Variants in ACRBP observed in about 807,000 individuals in gnomAD.
ACRBP encodes acrosin-binding protein.
A neutral mutation model predicts 69.0 loss-of-function variants in ACRBP; 52 were observed. The observed-to-expected ratio is 0.75, with a 90% CI of 0.60 to 0.95. ACRBP has a LOEUF of 0.95. ACRBP is among the 40% of genes least tolerant of loss of function. The pLI is 0.00. For synonymous variants in ACRBP, 267 were observed against 258.9 expected, an observed-to-expected ratio of 1.03 and a Z score of -0.30; for missense variants, 604 against 673.0, an observed-to-expected ratio of 0.90 and a Z score of 1.13.
intron 1 of ACRBP, 138 bp downstream of exon 1, chr12:6,647,185 TG>T: frequency 1.7e-6 from 2 of 1,148,632 alleles, no homozygotes; most frequent in Non-Finnish European, 1.3e-6. Context: ...CGGGGGGAGA[TG>T]GGAGTATCCC....
Position 6,647,309 on chromosome 12 carries a change from G to T in ACRBP, c.43+15C>A, listed in dbSNP as rs1484542475. 1 of 1,552,306 alleles carries T rather than the reference G, an allele frequency of 6.4e-7. No individual in the cohort carries two copies. The highest frequency in any genetic ancestry group is 2.4e-5 in the East Asian group (1 of 41,534). On this transcript the variant is annotated intron_variant, in intron 1 of 9. Coordinates refer to ENST00000229243, the MANE Select transcript of ACRBP (RefSeq NM_032489.3). ...GCCCGGGGAGAGTCTGTTGGAGCAG[G>T]TGTAAACCTCTCACCCTTCAGGAGT...
In ACRBP at chr12:6,646,879, G is replaced by A. The variant is rs752892968; in HGVS notation, c.177C>T (p.Thr59=). The A allele has an allele frequency of 6.2e-7, 1 of 1,614,202 alleles. No homozygotes were observed. Reference sequence around the variant, plus strand: ...AGCCGTGGGTTGCACGGAGACGGCAGGTAGTCTCTGCCTTCCAGGTTGGAG... The same window carrying A: ...AGCCGTGGGTTGCACGGAGACGGCAAGTAGTCTCTGCCTTCCAGGTTGGAG... ...LLTPTWKAET[T]CRLRATHGCR... The change falls in exon 2 of 10, where the codon ACC becomes ACT. Residue 59 remains threonine (T), a synonymous_variant. Transcript: ENST00000229243.
intron 5 of ACRBP, among the ~76,000 whole-genome samples, chr12:6,643,875 G>T (rs1165206243): frequency 6.6e-6 from 1 of 152,246 alleles, no homozygotes; most frequent in Non-Finnish European, 1.5e-5. Context: ...ACTTTCTCAG[G>T]ATTGCAATGC....
chr12:6,640,580 T>C lies in ACRBP; in HGVS notation c.1078-58A>G. Reference sequence around the variant, plus strand: ...AGAGTCAGCGGCCTGCCTTCTCCCATGCCTCAGCCCTCCAGGGTGGGCCCT... The same window carrying C: ...AGAGTCAGCGGCCTGCCTTCTCCCACGCCTCAGCCCTCCAGGGTGGGCCCT... On this transcript the variant is annotated intron_variant, in intron 6 of 9. Transcript: ENST00000229243. The surrounding 1 kb of genome is among the most constrained non-coding windows in gnomAD (Gnocchi z 5.3). 2 of 1,566,750 alleles carry C rather than the reference T, an allele frequency of 1.3e-6. No homozygotes were observed. Among genetic ancestry groups the C allele is most frequent in the Non-Finnish European group, 1.7e-6 (2 of 1,150,524 alleles).
rs1949043686 is a variant in ACRBP, at chr12:6,640,319, A to G, written c.1257+24T>C. On this transcript the variant is annotated intron_variant, in intron 7 of 9. Coordinates refer to ENST00000229243, the MANE Select transcript of ACRBP (RefSeq NM_032489.3). The surrounding 1 kb of genome is among the most constrained non-coding windows in gnomAD (Gnocchi z 5.3). Reference sequence around the variant, plus strand: ...CCTGCCACCCAGTTCTGCCTTTCCCACTGCGGGCTGCCGGGCTAGATACCT... The same window carrying G: ...CCTGCCACCCAGTTCTGCCTTTCCCGCTGCGGGCTGCCGGGCTAGATACCT... The G allele has an allele frequency of 5.0e-6, 8 of 1,605,686 alleles. No individual in the cohort carries two copies. The highest frequency in any genetic ancestry group is 6.8e-6 in the Non-Finnish European group (8 of 1,176,076).
Position 6,644,521 on chromosome 12 carries a change from C to A in ACRBP, c.560G>T (p.Gly187Val). ...GTGCTCTGGCGCTTGCTCCTGGCCT[C>A]CCAGGGACAAGGAGGATTGTAGGAG... Reference protein sequence around the residue: ...EELLQSSLSLGGQEQAPEHKQ... With the variant: ...EELLQSSLSLVGQEQAPEHKQ... The change falls in exon 5 of 10, where the codon GGA becomes GTA. Residue 187 changes from glycine to valine, a missense_variant. By Grantham distance (109) the Gly-to-Val change is moderately radical. Coordinates refer to ENST00000229243, the MANE Select transcript of ACRBP (RefSeq NM_032489.3). 1 of 1,614,040 alleles carries A rather than the reference C, an allele frequency of 6.2e-7. No homozygotes were observed. The highest frequency in any genetic ancestry group is 8.5e-7 in the Non-Finnish European group (1 of 1,180,028).
In ACRBP at chr12:6,645,434, C is replaced by G. The variant is rs545402806; in HGVS notation, c.358-97G>C. 4.5e-5 allele frequency: 43 copies of G among 948,920 alleles called. 1 individual carries two copies. The highest frequency in any genetic ancestry group is 4.1e-4 in the South Asian group (30 of 73,906). 58.8% of individuals were successfully genotyped at this position (948,920 alleles called of 1,614,324 possible). On this transcript the variant is annotated intron_variant, in intron 3 of 9. Transcript: ENST00000229243. Reference sequence around the variant, plus strand: ...CCCTTTTCCAGCATGTCTTATCTCTCAGTTTCTAGGCAGGGATAAAGGGAC... The same window carrying G: ...CCCTTTTCCAGCATGTCTTATCTCTGAGTTTCTAGGCAGGGATAAAGGGAC...
Position 6,644,277 on chromosome 12 carries a change from A to G in ACRBP, c.804T>C (p.Phe268=). ...SESLSSNPSS[F]APRVREVEST... is the part of the protein sequence containing the mutation. ...ACTCTACTTCTCGTACCCGGGGAGC[A>G]AAAGAGGAAGGGTTAGAAGATAGAG... The change falls in exon 5 of 10, where the codon TTT becomes TTC. Residue 268 remains phenylalanine, a synonymous_variant. Transcript: ENST00000229243. 1 of 1,614,158 alleles carries G rather than the reference A, an allele frequency of 6.2e-7. No individual in the cohort carries two copies. Among genetic ancestry groups the G allele is most frequent in the Non-Finnish European group, 8.5e-7 (1 of 1,180,032 alleles).
chr12:6,640,881 G>A lies in ACRBP; in HGVS notation c.1078-359C>T, dbSNP rs1949047490. Among the ~76,000 whole-genome samples the A allele has an allele frequency of 6.6e-6, 1 of 152,154 alleles. No individual in the cohort carries two copies. Among genetic ancestry groups the A allele is most frequent in the Non-Finnish European group, 1.5e-5 (1 of 68,034 alleles). ...ACAGATACCCCAACTTAGCCTATCT[G>A]AAAAGAACTCATAACCCTCCCCTGC... On this transcript the variant is annotated intron_variant, in intron 6 of 9. Coordinates refer to ENST00000229243, the MANE Select transcript of ACRBP (RefSeq NM_032489.3). The surrounding 1 kb of genome is among the most constrained non-coding windows in gnomAD (Gnocchi z 5.3).
chr12:6,646,808 C>T lies in ACRBP; in HGVS notation c.248G>A (p.Gly83Asp). The change falls in exon 2 of 10, where the codon GGC (glycine) becomes GAC (aspartate). Residue 83 changes from glycine (G) to aspartate (D), a missense_variant. Gly to Asp is a moderately conservative substitution (Grantham distance 94). This residue lies in a region of ACRBP where 532 missense variants were observed against 562.9 expected (regional missense o/e 0.95). Transcript: ENST00000229243. The part of the protein sequence containing the change: ...LVQLDQYENH[G>D]LVPDGAVCSN... Reference sequence around the variant, plus strand: ...CTGGCCCTCACCATCGGGCACTAAGCCGTGGTTTTCATATTGGTCCAGCTG... The same window carrying T: ...CTGGCCCTCACCATCGGGCACTAAGTCGTGGTTTTCATATTGGTCCAGCTG... The T allele has an allele frequency of 6.2e-7, 1 of 1,614,022 alleles. No homozygotes were observed. Among genetic ancestry groups the T allele is most frequent in the Non-Finnish European group, 8.5e-7 (1 of 1,180,036 alleles).
rs1025154947 is a variant in ACRBP, at chr12:6,647,002, C to G, written c.54G>C (p.Leu18=). The G allele has an allele frequency of 6.2e-7, 1 of 1,609,702 alleles. No individual in the cohort carries two copies. The highest frequency in any genetic ancestry group is 1.3e-5 in the African/African-American group (1 of 75,016). Residue 18 remains leucine, a synonymous_variant, in exon 2 of 10, where the codon CTG becomes CTC. Transcript: ENST00000229243. ...FLPSLLKVLL[L]PLAPAAAQDS... The stretch of plus-strand genomic sequence containing the variant: ...CCTGGGCTGCGGCAGGTGCCAGAGG[C>G]AGGAGCAGCACTGCGGAGCGGGCGA...
At chr12:6,639,189 C>T in intron 8 of ACRBP, 152 bp from the exon 9 acceptor site, 4 of 677,572 alleles carry the variant, frequency 5.9e-6, no homozygotes, top group Non-Finnish European at 1.0e-5. Context: ...TCCGCTTTCC[C>T]TCTGCCTTTC....
intron 6 of ACRBP, among the ~76,000 whole-genome samples, chr12:6,641,512 T>TC (rs1297249699): frequency 6.6e-6 from 1 of 152,198 alleles, no homozygotes; most frequent in African/African-American, 2.4e-5. Flanking sequence ...TGACTCTGTC[T>TC]CCTGCTGCTC....
rs1362569640 is a variant in ACRBP at position 6,647,410 on chromosome 12, C to G, written c.-44G>C. Reference sequence around the variant, plus strand: ...CGCGTCCCGTGGACACAAGCCGCCTCTAACGGGCCAAGCCGCAGAGAGAGC... The same window carrying G: ...CGCGTCCCGTGGACACAAGCCGCCTGTAACGGGCCAAGCCGCAGAGAGAGC... On this transcript the variant is annotated 5_prime_UTR_variant, in exon 1 of 10. Transcript: ENST00000229243. The G allele has an allele frequency of 1.2e-5, 18 of 1,494,034 alleles. No homozygotes were observed. The highest frequency in any genetic ancestry group is 1.4e-5 in the Non-Finnish European group (16 of 1,118,798). The allele number at this position is 1,494,034 out of a possible 1,614,324, so 92.5% of individuals were successfully genotyped here. A position where few individuals can be genotyped will look rare whatever the true frequency, so the allele number is the denominator to read the frequency against.
At position 6,644,570 on chromosome 12, in the gene ACRBP, T is replaced by A; in HGVS notation, c.511A>T (p.Arg171Trp). The A allele has an allele frequency of 6.2e-7, 1 of 1,613,922 alleles. No individual in the cohort carries two copies. ...AGCTCTTCCACGTTGTTGCTGAGCC[T>A]CTCAGGCCAGGGCTGGAAGGTCTGG... ...ERQTFQPWPERLSNNVEELLQ... is the reference protein window; with the variant it reads ...ERQTFQPWPEWLSNNVEELLQ... Residue 171 changes from arginine (R) to tryptophan (W), a missense_variant, in exon 5 of 10, where the codon AGG (arginine) becomes TGG (tryptophan). By Grantham distance (101) the Arg-to-Trp change is moderately radical. This residue lies in a region of ACRBP where 532 missense variants were observed against 562.9 expected (regional missense o/e 0.95). Transcript: ENST00000229243.
At position 6,643,533 on chromosome 12, in the gene ACRBP, G is replaced by A; in HGVS notation, c.1077+6C>T. On this transcript the variant is annotated splice_donor_region_variant and intron_variant, in intron 6 of 9. Coordinates refer to ENST00000229243, the MANE Select transcript of ACRBP (RefSeq NM_032489.3). Reference sequence around the variant, plus strand: ...ATGTATCCATTAGACAGTATGGCTGGCATACCGACTTCCCGAAACCAAGGA... The same window carrying A: ...ATGTATCCATTAGACAGTATGGCTGACATACCGACTTCCCGAAACCAAGGA... 1 of 1,614,094 alleles carries A rather than the reference G, an allele frequency of 6.2e-7. No homozygotes were observed. The highest frequency in any genetic ancestry group is 8.5e-7 in the Non-Finnish European group (1 of 1,179,950).
At position 6,647,417 on chromosome 12, in the gene ACRBP, G is replaced by A. The variant is rs748807972; in HGVS notation, c.-51C>T. On this transcript the variant is annotated 5_prime_UTR_variant, in exon 1 of 10. Transcript: ENST00000229243. ...CGTGGACACAAGCCGCCTCTAACGG[G>A]CCAAGCCGCAGAGAGAGCCGCAGGC... 1.4e-6 allele frequency: 2 copies of A among 1,478,696 alleles called. No individual in the cohort carries two copies. Among genetic ancestry groups the A allele is most frequent in the South Asian group, 2.6e-5 (2 of 77,154 alleles). 91.6% of individuals were successfully genotyped at this position (1,478,696 alleles called of 1,614,324 possible).
Position 6,640,522 on chromosome 12 carries a change from C to A in ACRBP, c.1078G>T (p.Val360Phe), listed in dbSNP as rs750168129. The change falls in exon 7 of 10, where the codon GTC becomes TTC. Residue 360 changes from valine (V) to phenylalanine (F), a missense_variant and splice_region_variant. Around this residue, in one of 3 missense-constraint regions of ACRBP, gnomAD observed 532 missense variants for 562.9 expected, o/e 0.95. Coordinates refer to ENST00000229243, the MANE Select transcript of ACRBP (RefSeq NM_032489.3). The surrounding 1 kb of genome is among the most constrained non-coding windows in gnomAD (Gnocchi z 5.3). ...EEEILGFGKS[V>F]CDSLGRRHMS... ...TGTCGCCGCCCAAGGCTGTCACAGA[C>A]CTGGGGCAGGGGAATGGGTGAGGCT... 1.2e-6 allele frequency: 2 copies of A among 1,613,054 alleles called. No individual in the cohort carries two copies. Among genetic ancestry groups the A allele is most frequent in the South Asian group, 2.2e-5 (2 of 90,998 alleles).
At chr12:6,643,493 A>G in intron 6 of ACRBP, 46 bp downstream of exon 6, 1 of 1,608,140 alleles carries the variant, frequency 6.2e-7, no homozygotes, top group South Asian at 1.1e-5. Context: ...CCTGGCCAAG[A>G]GGATGCCCAG....
Sources: gnomAD v4.1 joint callset for allele counts (sites outside exome capture counted in the v4.1 genomes callset) on GRCh38, gnomAD v4.1.1 for gene constraint, gnomAD v4.1.1 regional missense constraint, Gnocchi (gnomAD v3.1) non-coding constraint, MANE v1.5 for transcripts, NCBI Gene and HGNC (gene_info 2026-07-23, HGNC 2026-07-21) for gene names.